Variants in COG5 observed in about 807,000 individuals in gnomAD.
COG5 encodes component of oligomeric golgi complex 5.
A neutral mutation model predicts 110.4 loss-of-function variants in COG5; 86 were observed. The ratio of observed to expected loss-of-function variants is 0.78; its 90% CI spans 0.65 to 0.93. The LOEUF (loss-of-function observed/expected upper bound fraction) is 0.93. COG5 is among the 40% of genes least tolerant of loss of function. The pLI is 0.00. For synonymous variants in COG5, 360 were observed against 334.6 expected, an observed-to-expected ratio of 1.08 and a Z score of -0.83; for missense variants, 1,077 against 987.0, an observed-to-expected ratio of 1.09 and a Z score of -1.22.
At chr7:107,538,283 C>T (rs1371621415) in intron 5 of COG5, among the ~76,000 whole-genome samples, 1 of 152,140 alleles carries the variant, frequency 6.6e-6, no homozygotes, top group Non-Finnish European at 1.5e-5. Context: ...CACACCTAGC[C>T]CTAACTAGTT....
intron 14 of COG5, among the ~76,000 whole-genome samples, chr7:107,272,301 T>A (rs1194109179): frequency 2.0e-5 from 3 of 152,190 alleles, no homozygotes; most frequent in Non-Finnish European, 4.4e-5. Context: ...ATGCAACGAT[T>A]TATTTCTTAT....
At chr7:107,412,444 A>T in intron 7 of COG5, 58 bp downstream of exon 7, 3 of 1,541,382 alleles carry the variant, frequency 1.9e-6, no homozygotes, top group Non-Finnish European at 2.7e-6. Flanking sequence ...TCAAAGTCAA[A>T]TGTTCACCTG....
chr7:107,482,311 TA>T (rs112413859), intron 6 of COG5, among the ~76,000 whole-genome samples: 15 of 147,264 alleles, frequency 1.0e-4, no homozygotes, highest in South Asian at 2.1e-4. Context: ...CCCAGCTAAT[TA>T]AAAAAAAAAA....
At chr7:107,529,497 G>A (rs1361522648) in intron 5 of COG5, among the ~76,000 whole-genome samples, 2 of 152,120 alleles carry the variant, frequency 1.3e-5, no homozygotes, top group Admixed American at 6.5e-5. Context: ...CCTTCCGGGG[G>A]CACTCCACCT....
At chr7:107,212,246 A>G (rs1181176329) in intron 19 of COG5, among the ~76,000 whole-genome samples, 1 of 152,184 alleles carries the variant, frequency 6.6e-6, no homozygotes, top group East Asian at 1.9e-4. Context: ...ATTATGTTGT[A>G]ATTTATTTTC....
intron 11 of COG5, among the ~76,000 whole-genome samples, chr7:107,313,646 C>T (rs542762766): frequency 1.3e-5 from 2 of 152,084 alleles, no homozygotes; most frequent in African/African-American, 4.8e-5. Context: ...GTTTGTGGCC[C>T]CCCTTCAAGC....
At chr7:107,535,126 AC>A (rs1676888864) in intron 5 of COG5, among the ~76,000 whole-genome samples, 1 of 151,660 alleles carries the variant, frequency 6.6e-6, no homozygotes, top group African/African-American at 2.4e-5. Flanking sequence ...ACCAATGAGA[AC>A]AAAGACACAA....
intron 7 of COG5, among the ~76,000 whole-genome samples, chr7:107,393,069 C>T (rs950054189): frequency 1.3e-5 from 2 of 152,194 alleles, no homozygotes; most frequent in African/African-American, 4.8e-5. Flanking sequence ...ACTCCCCATA[C>T]TCTGCTACAA....
intron 12 of COG5, among the ~76,000 whole-genome samples, chr7:107,297,316 G>A (rs1345738919): frequency 6.6e-6 from 1 of 151,908 alleles, no homozygotes; most frequent in Admixed American, 6.6e-5. Context: ...AGGTATTATA[G>A]GTAACCTAGA....
intron 5 of COG5, among the ~76,000 whole-genome samples, chr7:107,536,372 C>T (rs1801584245): frequency 6.6e-6 from 1 of 152,148 alleles, no homozygotes; most frequent in South Asian, 2.1e-4. Context: ...TAGAAAACTC[C>T]ATCGTCTCAG....
chr7:107,242,296 C>G (rs1012933686), intron 17 of COG5, among the ~76,000 whole-genome samples: 1 of 152,202 alleles, frequency 6.6e-6, no homozygotes, highest in Non-Finnish European at 1.5e-5. Flanking sequence ...CAACACAGAG[C>G]CAGGGGAACC....
At chr7:107,333,438 A>C (rs1810442406) in intron 10 of COG5, among the ~76,000 whole-genome samples, 1 of 152,128 alleles carries the variant, frequency 6.6e-6, no homozygotes, top group Non-Finnish European at 1.5e-5. Context: ...CAAAATAAGA[A>C]ACCCAAAGAA....
intron 3 of COG5, among the ~76,000 whole-genome samples, chr7:107,551,957 C>T (rs2712188): frequency 0.41 from 61,994 of 151,962 alleles, 13,162 homozygotes; most frequent in Non-Finnish European, 0.47. Context: ...TAGTGAATAT[C>T]CTGAGATAAT....
intron 6 of COG5, among the ~76,000 whole-genome samples, chr7:107,524,893 T>C (rs1800614228): frequency 6.6e-6 from 1 of 152,128 alleles, no homozygotes. Flanking sequence ...CTCAGAACAT[T>C]ATGATCAATA....
chr7:107,515,674 T>G (rs2129147591), intron 6 of COG5, among the ~76,000 whole-genome samples: 1 of 152,300 alleles, frequency 6.6e-6, no homozygotes, highest in Non-Finnish European at 1.5e-5. Context: ...GACTTTAATG[T>G]AAAAGCTGGG....
chr7:107,455,671 T>C (rs1429796405), intron 6 of COG5, among the ~76,000 whole-genome samples: 1 of 152,156 alleles, frequency 6.6e-6, no homozygotes, highest in African/African-American at 2.4e-5. Flanking sequence ...GACAGAGAAA[T>C]GACTAGAGAT....
chr7:107,560,302 T>C (rs1803673501), intron 1 of COG5, among the ~76,000 whole-genome samples: 1 of 152,156 alleles, frequency 6.6e-6, no homozygotes, highest in African/African-American at 2.4e-5. Context: ...GCCAGTAAAG[T>C]ACTATGTTAA....
intron 6 of COG5, among the ~76,000 whole-genome samples, chr7:107,506,673 T>A (rs1799035713): frequency 6.6e-6 from 1 of 152,160 alleles, no homozygotes; most frequent in East Asian, 1.9e-4. Context: ...AGCTAAGTTC[T>A]AGACCTTCTA....
chr7:107,382,211 C>A (rs1410875815), intron 7 of COG5, among the ~76,000 whole-genome samples: 1 of 152,138 alleles, frequency 6.6e-6, no homozygotes, highest in Non-Finnish European at 1.5e-5. Flanking sequence ...GGTCCAGGAG[C>A]TCCAAGTTTA....
Sources: allele counts gnomAD v4.1 joint callset (sites outside exome capture counted in the v4.1 genomes callset), GRCh38; gene constraint gnomAD v4.1.1; transcripts MANE v1.5; gene names NCBI Gene and HGNC (gene_info 2026-07-23, HGNC 2026-07-21).